The following SLC25A51 variants were observed in gnomAD, a reference collection of about 807,000 sequenced individuals.
The protein encoded by SLC25A51 is solute carrier family 25 member 51, also known as mitochondrial nicotinamide adenine dinucleotide transporter SLC25A51.
Under a neutral mutation model 19.1 loss-of-function variants are expected in SLC25A51, and 11 were observed. The observed-to-expected ratio is 0.58, with a 90% CI of 0.36 to 0.96. The LOEUF is 0.96. Among genes scored for constraint, SLC25A51 ranks in the 40% least tolerant of loss-of-function variants. The pLI is 0.01. For synonymous variants in SLC25A51, 105 were observed against 133.6 expected (o/e 0.79, Z 1.47); for missense variants, 201 against 365.4 (o/e 0.55, Z 3.67).
chr9:37,880,766 T>G (rs1178122291), intron 3 of SLC25A51: 2 of 151,878 alleles, frequency 1.3e-5, no homozygotes, highest in Admixed American at 6.6e-5. Context: ...AAAAAGTAAA[T>G]AAATAAATAA....
intron 1 of SLC25A51, among the ~76,000 whole-genome samples, chr9:37,902,251 TAA>T (rs1254796784): frequency 6.6e-6 from 1 of 152,228 alleles, no homozygotes; most frequent in African/African-American, 2.4e-5. Flanking sequence ...ATTTTGCAAA[TAA>T]AGGTTAGTTT....
downstream of SLC25A51, chr9:37,878,195 C>A: frequency 5.9e-6 from 1 of 170,538 alleles, no homozygotes; most frequent in Non-Finnish European, 1.4e-5. Flanking sequence ...TTAGATAGGC[C>A]AGGAAAAGTC....
intron 2 of SLC25A51, among the ~76,000 whole-genome samples, chr9:37,888,847 T>C (rs1292237828): frequency 2.0e-5 from 3 of 152,190 alleles, no homozygotes; most frequent in Non-Finnish European, 4.4e-5. Context: ...AAATGACTTA[T>C]CACAACAGAC....
At chr9:37,880,334 A>G (rs1000030454) in exon 4 of SLC25A51, 1 of 152,098 alleles carries the variant, frequency 6.6e-6, no homozygotes, top group Admixed American at 6.6e-5. Context: ...ATTATTGACA[A>G]TATGAAGAAT....
intron 2 of SLC25A51, among the ~76,000 whole-genome samples, chr9:37,892,346 A>T (rs1308622285): frequency 1.3e-5 from 2 of 152,176 alleles, no homozygotes; most frequent in Non-Finnish European, 2.9e-5. Flanking sequence ...TAGCCAATGG[A>T]GCAGCAGAGG....
chr9:37,900,048 C>A (rs181409010), intron 1 of SLC25A51, 98 bp from the exon 2 acceptor site: 2 of 104,508 alleles, frequency 1.9e-5, no homozygotes, highest in Admixed American at 1.6e-4. Flanking sequence ...ATGTTGTCAA[C>A]GGTGGTCTCA....
chr9:37,886,015 A>T, downstream of SLC25A51: 1 of 1,613,764 alleles, frequency 6.2e-7, no homozygotes, highest in South Asian at 1.1e-5. Context: ...ACTGCCAATC[A>T]TTTGCCCCTA....
At chr9:37,879,175 G>C, downstream of SLC25A51, 1 of 314,866 alleles carries the variant, frequency 3.2e-6, no homozygotes, top group Non-Finnish European at 6.5e-6. Flanking sequence ...TTAAAGCTGA[G>C]TATGAAGGGG....
chr9:37,898,671 T>C (rs1167463194), intron 2 of SLC25A51, among the ~76,000 whole-genome samples: 1 of 152,138 alleles, frequency 6.6e-6, no homozygotes, highest in Non-Finnish European at 1.5e-5. Context: ...TGAGCCAAGA[T>C]TGTACCACTG....
At chr9:37,886,835 T>G (rs1169749290), downstream of SLC25A51, among the ~76,000 whole-genome samples, 8 of 152,200 alleles carry the variant, frequency 5.3e-5, no homozygotes, top group Admixed American at 3.9e-4. Context: ...CTTGCTTCCT[T>G]AAGCCCTTCT....
At chr9:37,890,708 G>C (rs757476143) in intron 2 of SLC25A51, among the ~76,000 whole-genome samples, 6 of 147,650 alleles carry the variant, frequency 4.1e-5, no homozygotes, top group Non-Finnish European at 7.5e-5. Flanking sequence ...AAAAAAAAAA[G>C]AACATACGAT....
At chr9:37,878,838 T>C (rs1244785539), downstream of SLC25A51, 1 of 157,468 alleles carries the variant, frequency 6.4e-6, no homozygotes, top group African/African-American at 2.4e-5. Context: ...AGTCTTGCCA[T>C]GTTGCCCAGA....
intron 2 of SLC25A51, among the ~76,000 whole-genome samples, chr9:37,894,657 G>A (rs896717317): frequency 9.9e-5 from 15 of 152,106 alleles, no homozygotes; most frequent in Admixed American, 3.9e-4. Context: ...TGAGGTACGT[G>A]TGCAGGTTTG....
chr9:37,895,867 G>A (rs571504933), intron 2 of SLC25A51, among the ~76,000 whole-genome samples: 210 of 150,552 alleles, frequency 1.4e-3, no homozygotes, highest in African/African-American at 4.6e-3. Flanking sequence ...AGGATAGAGC[G>A]CAGAGGCATG....
intron 2 of SLC25A51, among the ~76,000 whole-genome samples, chr9:37,897,313 C>T (rs1200590967): frequency 6.6e-6 from 1 of 151,996 alleles, no homozygotes; most frequent in Admixed American, 6.6e-5. Flanking sequence ...CCTCAGCCTC[C>T]CAAAGTGCTG....
intron 2 of SLC25A51, among the ~76,000 whole-genome samples, chr9:37,899,288 C>T (rs1831790962): frequency 6.6e-6 from 1 of 152,080 alleles, no homozygotes; most frequent in African/African-American, 2.4e-5. Context: ...TGCTACTTGG[C>T]CGTGGTGAAA....
chr9:37,890,742 A>G lies in SLC25A51; in HGVS notation c.-42-2150T>C, dbSNP rs140252502. On this transcript the variant is annotated intron_variant, in intron 2 of 2. Transcript: ENST00000242275. ...ATCCAACAATCCTACTTCTGGGGATATAACCAAAACAATTGAAAGCGCAGT... is the reference window on the plus strand; with the variant it reads ...ATCCAACAATCCTACTTCTGGGGATGTAACCAAAACAATTGAAAGCGCAGT... 6.6e-3 allele frequency among the ~76,000 whole-genome samples: 1,010 copies of G among 152,304 alleles called. 11 individuals are homozygous for G. Among genetic ancestry groups the G allele is most frequent in the Admixed American group, 0.013 (200 of 15,300 alleles).
intron 2 of SLC25A51, among the ~76,000 whole-genome samples, chr9:37,896,938 T>C (rs565242687): frequency 1.3e-5 from 2 of 152,204 alleles, no homozygotes; most frequent in African/African-American, 4.8e-5. Context: ...AATTAGACTA[T>C]AGGGAGATAA....
intron 1 of SLC25A51, among the ~76,000 whole-genome samples, chr9:37,901,076 G>A (rs1188437349): frequency 2.0e-5 from 3 of 152,160 alleles, no homozygotes; most frequent in Admixed American, 2.0e-4. Context: ...ACGTTGCCCA[G>A]GCTGGTCTCA....
Sources: gnomAD v4.1 joint callset for allele counts (sites outside exome capture counted in the v4.1 genomes callset) on GRCh38, gnomAD v4.1.1 for gene constraint, MANE v1.5 for transcripts, NCBI Gene and HGNC (gene_info 2026-07-23, HGNC 2026-07-21) for gene names.